PCDH15: variants seen among roughly 807,000 people sequenced by gnomAD.
PCDH15 encodes protocadherin-15.
PCDH15 carries 129 observed loss-of-function variants against 178.5 expected under a neutral mutation model. That is an observed-to-expected ratio of 0.72 (90% CI 0.63 to 0.84). PCDH15 has a LOEUF of 0.84. PCDH15 is among the 40% of genes least tolerant of loss of function. PCDH15 has a pLI of 0.00. For synonymous variants in PCDH15, 800 were observed against 732.0 expected (o/e 1.09, Z -1.50); for missense variants, 2,230 against 2,099.9 (o/e 1.06, Z -1.21).
intron 3 of PCDH15, among the ~76,000 whole-genome samples, chr10:54,424,191 T>C (rs1379064224): frequency 1.3e-5 from 2 of 151,744 alleles, no homozygotes; most frequent in African/African-American, 4.9e-5. Flanking sequence ...CATCAAAAAG[T>C]GGGTGAAGGA....
chr10:54,275,877 G>T (rs768391728), intron 8 of PCDH15, among the ~76,000 whole-genome samples: 1 of 151,384 alleles, frequency 6.6e-6, no homozygotes, highest in South Asian at 2.1e-4. Flanking sequence ...TTTTATAACA[G>T]AAATTGCATT....
chr10:54,136,637 G>T (rs751491151), intron 14 of PCDH15, among the ~76,000 whole-genome samples: 1 of 151,956 alleles, frequency 6.6e-6, no homozygotes, highest in African/African-American at 2.4e-5. Context: ...CATTGTAGAG[G>T]GTTAAAGTGA....
intron 1 of PCDH15, among the ~76,000 whole-genome samples, chr10:54,732,579 G>T (rs1023644350): frequency 2.6e-5 from 4 of 151,432 alleles, no homozygotes; most frequent in Non-Finnish European, 5.9e-5. Context: ...ATTTTGTCTG[G>T]ATGGACTCAC....
At position 55,486,645 on chromosome 10, in the gene PCDH15, G is replaced by C. The variant is rs539134377; in HGVS notation, c.-156+140980C>G. Among the ~76,000 whole-genome samples the C allele has an allele frequency of 1.3e-4, 19 of 151,522 alleles. No homozygotes were observed. In the South Asian group the frequency reaches 3.7e-3, roughly 30 times the overall value. On this transcript the variant is annotated intron_variant, in intron 2 of 5. Transcript: ENST00000613346. ...AGATGAAACTCCCTAGGCTTGTATA[G>C]GCTCATAGTTTTGCTGAATCTTTTT...
At chr10:54,350,985 T>C (rs376827103) in intron 5 of PCDH15, among the ~76,000 whole-genome samples, 6 of 152,030 alleles carry the variant, frequency 3.9e-5, no homozygotes, top group African/African-American at 1.4e-4. Flanking sequence ...ACACCTGTAG[T>C]CCCAGCTACT....
In PCDH15 at chr10:55,220,971, T is replaced by C. The variant is rs1008382816; in HGVS notation, c.-155-54320A>G. Among the ~76,000 whole-genome samples the C allele has an allele frequency of 1.3e-4, 20 of 152,100 alleles. 1 individual carries two copies. The highest frequency in any genetic ancestry group is 4.8e-4 in the African/African-American group (20 of 41,354). ...CCATCTGGTACGTTCAAGATGTTTG[T>C]AGCAATGGCCTCATTCATAATAGTT... On this transcript the variant is annotated intron_variant, in intron 1 of 5. Transcript: ENST00000458638.
rs566813193 is a variant in PCDH15, at chr10:54,855,597, A to C, written c.-29+41853T>G. Among the ~76,000 whole-genome samples the C allele has an allele frequency of 2.0e-5, 3 of 152,352 alleles. No homozygotes were observed. The East Asian group carries it at 5.8e-4, about 29-fold the overall frequency. ...ATTGCTCTCAGATGAATTCTAGTGAATATCACAAATATAGTATCTGAGGAT... is the reference window on the plus strand; with the variant it reads ...ATTGCTCTCAGATGAATTCTAGTGACTATCACAAATATAGTATCTGAGGAT... On this transcript the variant is annotated intron_variant, in intron 3 of 5. Transcript: ENST00000458638.
intron 3 of PCDH15, among the ~76,000 whole-genome samples, chr10:54,845,697 C>T (rs1953497490): frequency 6.6e-6 from 1 of 151,942 alleles, no homozygotes; most frequent in Non-Finnish European, 1.5e-5. Context: ...AGAAAGTTTA[C>T]ATTCAGTTGG....
intron 2 of PCDH15, among the ~76,000 whole-genome samples, chr10:55,131,848 C>G (rs1055061575): frequency 6.6e-6 from 1 of 152,154 alleles, no homozygotes; most frequent in Non-Finnish European, 1.5e-5. Context: ...AGAAAAAGCA[C>G]CATGAATTCT....
intron 1 of PCDH15, among the ~76,000 whole-genome samples, chr10:54,790,695 A>T (rs1008389204): frequency 6.6e-6 from 1 of 151,922 alleles, no homozygotes; most frequent in Non-Finnish European, 1.5e-5. Context: ...CTGAACAATT[A>T]CACGTGAAGA....
intron 2 of PCDH15, among the ~76,000 whole-genome samples, chr10:55,069,979 G>A (rs1236895232): frequency 6.6e-6 from 1 of 152,126 alleles, no homozygotes; most frequent in East Asian, 1.9e-4. Flanking sequence ...TCTAACTGGT[G>A]TGAGATGGTA....
At chr10:54,998,687 CT>C (rs1254912239) in intron 2 of PCDH15, among the ~76,000 whole-genome samples, 1 of 152,004 alleles carries the variant, frequency 6.6e-6, no homozygotes, top group African/African-American at 2.4e-5. Flanking sequence ...AAGCATGAAG[CT>C]GGATTTAGCA....
intron 29 of PCDH15, among the ~76,000 whole-genome samples, chr10:53,833,262 ATTTCATATCC>A (rs2077117227): frequency 6.6e-6 from 1 of 152,000 alleles, no homozygotes; most frequent in Non-Finnish European, 1.5e-5. Flanking sequence ...GGATTCCTGG[ATTTCATATCC>A]AAACTCTCTA....
upstream of PCDH15, among the ~76,000 whole-genome samples, chr10:54,802,138 A>G (rs57438445): frequency 2.6e-5 from 4 of 152,150 alleles, no homozygotes; most frequent in Non-Finnish European, 5.9e-5. Context: ...CACAGACAAA[A>G]GCCCCAGAAC....
At position 54,047,830 on chromosome 10, in the gene PCDH15, G is replaced by T. The variant is rs547302345; in HGVS notation, c.2220+18927C>A. 7.2e-5 allele frequency among the ~76,000 whole-genome samples: 11 copies of T among 152,210 alleles called. No homozygotes were observed. In the South Asian group the frequency reaches 1.7e-3, roughly 23 times the overall value. On this transcript the variant is annotated intron_variant, in intron 18 of 37. Transcript: ENST00000644397. ...CAAATCCACCATTGTTGGGCATCTA[G>T]GTTAATTCCATAAGTTTGCGATTGT...
intron 2 of PCDH15, among the ~76,000 whole-genome samples, chr10:54,926,332 TG>T (rs560712780): frequency 8.0e-4 from 122 of 152,270 alleles, no homozygotes; most frequent in African/African-American, 2.8e-3. Flanking sequence ...TTTGATGTGC[TG>T]CTGGATTTGG....
At chr10:55,032,844 G>T (rs185790016) in intron 2 of PCDH15, among the ~76,000 whole-genome samples, 2 of 152,238 alleles carry the variant, frequency 1.3e-5, no homozygotes, top group East Asian at 3.9e-4. Flanking sequence ...AAGTGAGGAA[G>T]AGCTCAGGTT....
At chr10:54,756,828 C>A (rs1322140905) in intron 1 of PCDH15, among the ~76,000 whole-genome samples, 2 of 152,118 alleles carry the variant, frequency 1.3e-5, no homozygotes, top group Non-Finnish European at 2.9e-5. Flanking sequence ...TACATATATG[C>A]AAATAAATTC....
At chr10:54,619,433 G>A (rs187281995) in intron 2 of PCDH15, 3 of 152,024 alleles carry the variant, frequency 2.0e-5, no homozygotes, top group East Asian at 1.9e-4. Context: ...AGTCTCAAAG[G>A]CTGAAGGAAG....
Sources: allele counts gnomAD v4.1 joint callset (sites outside exome capture counted in the v4.1 genomes callset), GRCh38; gene constraint gnomAD v4.1.1; transcripts MANE v1.5; gene names NCBI Gene and HGNC (gene_info 2026-07-23, HGNC 2026-07-21).